TIPIN: variants seen among roughly 807,000 people sequenced by gnomAD.
TIPIN encodes the protein TIMELESS-interacting protein.
In TIPIN, 29 loss-of-function variants were observed where a neutral mutation model predicts 35.6. The observed-to-expected ratio is 0.82, with a 90% CI of 0.61 to 1.11. The LOEUF is 1.11. Ranked by LOEUF, TIPIN falls within the 50% of genes most tolerant of loss-of-function variation. The pLI is 0.00. For missense variants in TIPIN, 296 were observed against 345.4 expected (o/e 0.86, Z 1.13); for synonymous variants, 102 against 121.5 (o/e 0.84, Z 1.06).
chr15:66,377,236 T>C (rs2140497317), intron 1 of TIPIN, among the ~76,000 whole-genome samples: 1 of 152,332 alleles, frequency 6.6e-6, no homozygotes, highest in South Asian at 2.1e-4. Context: ...TGCATTTCTC[T>C]AAGCGAGTAG....
At chr15:66,371,359 G>GT (rs1213060631) in intron 1 of TIPIN, 14 of 984,740 alleles carry the variant, frequency 1.4e-5, no homozygotes, top group Admixed American at 6.2e-5. Context: ...CTCAGAAGAC[G>GT]TAAGTGTTTT....
intron 1 of TIPIN, among the ~76,000 whole-genome samples, chr15:66,364,166 T>C (rs2093243710): frequency 1.5e-5 from 2 of 136,416 alleles, no homozygotes; most frequent in East Asian, 2.1e-4. Context: ...TTCTTTTTTT[T>C]TTTTTTTTTT....
chr15:66,337,780 TA>T (rs113417714), intron 7 of TIPIN, among the ~76,000 whole-genome samples: 89,313 of 145,462 alleles, frequency 0.61, 28,919 homozygotes, highest in South Asian at 0.72. Flanking sequence ...AAAAATAAAA[TA>T]AAAAAAAAAA....
intron 1 of TIPIN, among the ~76,000 whole-genome samples, chr15:66,375,176 G>C (rs2093291832): frequency 6.6e-6 from 1 of 152,096 alleles, no homozygotes; most frequent in South Asian, 2.1e-4. Context: ...CTACTCAGGA[G>C]GCTGAGGTGA....
At chr15:66,354,182 T>C (rs1362784728) in intron 1 of TIPIN, among the ~76,000 whole-genome samples, 1 of 152,206 alleles carries the variant, frequency 6.6e-6, no homozygotes, top group Non-Finnish European at 1.5e-5. Context: ...TCCCTGATTT[T>C]TATCTCTACC....
rs2093049905 is a variant in TIPIN, at chr15:66,337,116, C to A, written c.748G>T (p.Glu250Ter). ...EEVNTDEDQK[E>*]ESNGLNEDIL... is the part of the protein sequence containing the mutation. ...TCTTCGTTTAATCCATTTGACTCCT[C>A]CTTTTGATCCTCATCAGTATTAACC... Residue 250 changes from glutamate (E) to a stop codon, truncating the protein, a stop_gained, in exon 8 of 8, where the codon GAG becomes TAG. Transcript: ENST00000261881. LOFTEE classifies it high-confidence loss of function. The A allele has an allele frequency of 6.2e-7, 1 of 1,614,056 alleles. No homozygotes were observed. Among genetic ancestry groups the A allele is most frequent in the Admixed American group, 1.7e-5 (1 of 59,998 alleles).
chr15:66,384,276 C>T (rs1216153596), intron 1 of TIPIN, among the ~76,000 whole-genome samples: 2 of 148,128 alleles, frequency 1.4e-5, no homozygotes, highest in South Asian at 2.2e-4. Context: ...GGATTACAGG[C>T]ATGAGCCACC....
chr15:66,352,013 G>A, intron 3 of TIPIN, 116 bp downstream of exon 3: 3 of 858,058 alleles, frequency 3.5e-6, no homozygotes, highest in South Asian at 1.9e-5. Flanking sequence ...CTAAAAAAAA[G>A]TTTTTAGAAA....
chr15:66,367,401 CT>C (rs72031636), intron 1 of TIPIN, among the ~76,000 whole-genome samples: 53 of 146,382 alleles, frequency 3.6e-4, no homozygotes, highest in African/African-American at 2.7e-4. Context: ...GCAAGTCTGT[CT>C]TTTTTTTTTT....
At chr15:66,381,063 G>A (rs899124354) in intron 1 of TIPIN, among the ~76,000 whole-genome samples, 2 of 152,090 alleles carry the variant, frequency 1.3e-5, no homozygotes, top group South Asian at 2.1e-4. Context: ...TTACAAGAGA[G>A]TCATGGAAGT....
intron 7 of TIPIN, among the ~76,000 whole-genome samples, chr15:66,338,879 T>A (rs1402002278): frequency 7.2e-6 from 1 of 138,900 alleles, no homozygotes; most frequent in Non-Finnish European, 1.5e-5. Context: ...ACACCTGTAA[T>A]CCCAGGACTT....
intron 7 of TIPIN, among the ~76,000 whole-genome samples, chr15:66,337,782 A>ATT (rs1352855599): frequency 4.6e-5 from 1 of 21,552 alleles, no homozygotes; most frequent in African/African-American, 7.8e-5. Flanking sequence ...AAATAAAATA[A>ATT]AAAAAAAAAT....
rs142559653 is a variant in TIPIN, at chr15:66,369,442, G to A, written c.-8-16487C>T. On this transcript the variant is annotated intron_variant, in intron 1 of 7. Coordinates refer to the TIPIN transcript ENST00000562124. The stretch of plus-strand genomic sequence containing the variant: ...TGGCTCACTGCAAGCTCCGCCTCCC[G>A]GGTTCACGCCATTCTCCTGCCTCAG... 8.5e-3 allele frequency among the ~76,000 whole-genome samples: 1,167 copies of A among 137,238 alleles called. 12 individuals carry two copies. The highest frequency in any genetic ancestry group is 0.03 in the African/African-American group (1,091 of 36,720). 90.0% of individuals were successfully genotyped at this position (137,238 alleles called of 152,430 possible). A position where few individuals can be genotyped will look rare whatever the true frequency, so the allele number is the denominator to read the frequency against.
intron 4 of TIPIN, among the ~76,000 whole-genome samples, chr15:66,351,200 G>A (rs532778139): frequency 2.0e-5 from 3 of 152,292 alleles, no homozygotes; most frequent in African/African-American, 7.2e-5. Context: ...TACAGGCAGA[G>A]TCCTTGCCCT....
intron 1 of TIPIN, among the ~76,000 whole-genome samples, chr15:66,373,288 T>C (rs1172079296): frequency 6.6e-6 from 1 of 151,992 alleles, no homozygotes; most frequent in Non-Finnish European, 1.5e-5. Flanking sequence ...GGTCAGGAGA[T>C]TGAGACCATC....
At chr15:66,361,491 G>A (rs545527275), upstream of TIPIN, among the ~76,000 whole-genome samples, 295 of 149,464 alleles carry the variant, frequency 2.0e-3, no homozygotes, top group Non-Finnish European at 3.6e-3. Context: ...TCCTGACCTT[G>A]TGATCTGCCC....
In TIPIN at chr15:66,341,284, T is replaced by C; in HGVS notation, c.548A>G (p.Glu183Gly). The C allele has an allele frequency of 6.2e-7, 1 of 1,614,000 alleles. No homozygotes were observed. The highest frequency in any genetic ancestry group is 1.1e-5 in the South Asian group (1 of 91,078). ...TAACTCAGAAGCAAACATCTCACTT[T>C]CAGATAAGTTTGTCAGAAAGGGATC... ...ELDPFLTNLSESEMFASELSR... is the reference protein window; with the variant it reads ...ELDPFLTNLSGSEMFASELSR... The change falls in exon 7 of 8, where the codon GAA (glutamate) becomes GGA (glycine). Residue 183 changes from glutamate to glycine, a missense_variant. By Grantham distance (98) the Glu-to-Gly change is moderately conservative. Coordinates refer to ENST00000261881, the MANE Select transcript of TIPIN (RefSeq NM_017858.3).
rs1211050785 is a variant in TIPIN at position 66,341,767 on chromosome 15, C to CA, written c.476-412dup. Among the ~76,000 whole-genome samples the CA allele has an allele frequency of 3.5e-5, 5 of 142,728 alleles. 2 individuals are homozygous for CA. Among genetic ancestry groups the CA allele is most frequent in the African/African-American group, 1.4e-4 (5 of 35,204 alleles). 93.6% of individuals were successfully genotyped at this position (142,728 alleles called of 152,430 possible). On this transcript the variant is annotated intron_variant, in intron 6 of 7. Transcript: ENST00000261881. ...TGGGCGACAGAGCGAGACTCCGTCT[C>CA]AAAAAAAAAAAAAAAAAAAAAAAAA... is the stretch of plus-strand genomic sequence containing the variant.
In TIPIN at chr15:66,343,862, G is replaced by T. The variant is rs556212616; in HGVS notation, c.476-2506C>A. The stretch of plus-strand genomic sequence containing the variant: ...AAAAATACAAAATTAGTCGGGCATG[G>T]TGGCACATGACTGTAATCCCACCTA... On this transcript the variant is annotated intron_variant, in intron 6 of 7. Transcript: ENST00000261881. 2.6e-5 allele frequency among the ~76,000 whole-genome samples: 4 copies of T among 152,238 alleles called. No individual in the cohort carries two copies. The South Asian group carries it at 8.3e-4, about 32-fold the overall frequency.
Sources: gnomAD v4.1 joint callset for allele counts (sites outside exome capture counted in the v4.1 genomes callset) on GRCh38, gnomAD v4.1.1 for gene constraint, MANE v1.5 for transcripts, NCBI Gene and HGNC (gene_info 2026-07-23, HGNC 2026-07-21) for gene names.